PPM1H: variants seen among roughly 807,000 people sequenced by gnomAD.
PPM1H encodes protein phosphatase 1H.
A neutral mutation model predicts 54.9 loss-of-function variants in PPM1H; 27 were observed. The observed-to-expected ratio is 0.49, with a 90% CI of 0.36 to 0.68. The LOEUF is 0.68. PPM1H is among the 30% of genes least tolerant of loss of function. PPM1H has a pLI of 0.00. For missense variants in PPM1H, 596 were observed against 667.8 expected, an observed-to-expected ratio of 0.89 and a Z score of 1.19; for synonymous variants, 305 against 270.8, an observed-to-expected ratio of 1.13 and a Z score of -1.24.
chr12:62,688,800 A>T (rs1365395819), intron 8 of PPM1H, among the ~76,000 whole-genome samples: 1 of 152,156 alleles, frequency 6.6e-6, no homozygotes, highest in Non-Finnish European at 1.5e-5. Context: ...GTTCAACACC[A>T]GCCTAACCAA....
intron 4 of PPM1H, among the ~76,000 whole-genome samples, chr12:62,739,035 T>G (rs1592572424): frequency 2.7e-5 from 4 of 146,580 alleles, no homozygotes; most frequent in Admixed American, 6.8e-5. Flanking sequence ...AGGGAAGGAG[T>G]GATGACAAAA....
intron 9 of PPM1H, among the ~76,000 whole-genome samples, chr12:62,658,042 T>C (rs1218358645): frequency 8.5e-6 from 1 of 118,176 alleles, no homozygotes; most frequent in Admixed American, 9.2e-5. Context: ...CAGAGGGTCA[T>C]TAAATCCAGG....
chr12:62,661,150 A>T (rs926963684), intron 9 of PPM1H, among the ~76,000 whole-genome samples: 2 of 151,870 alleles, frequency 1.3e-5, no homozygotes, highest in African/African-American at 2.4e-5. Context: ...TTTTCTCCCC[A>T]ACTCCCCTGA....
Position 62,805,671 on chromosome 12 carries a change from G to A in PPM1H, c.412-3511C>T, listed in dbSNP as rs577451775. ...GTCAAACTCGTAGAAGCAGAGAGTC[G>A]AATGGTGGTTGCCAGGGGCTGGGGT... On this transcript the variant is annotated intron_variant, in intron 2 of 9. Coordinates refer to ENST00000228705, the MANE Select transcript of PPM1H (RefSeq NM_020700.2). 2.0e-5 allele frequency among the ~76,000 whole-genome samples: 3 copies of A among 152,284 alleles called. No individual in the cohort carries two copies. The East Asian group carries it at 5.8e-4, about 29-fold the overall frequency.
intron 1 of PPM1H, among the ~76,000 whole-genome samples, chr12:62,929,980 A>G (rs1872082352): frequency 6.6e-6 from 1 of 152,118 alleles, no homozygotes; most frequent in African/African-American, 2.4e-5. Context: ...GGTATCAGTC[A>G]GTAAGAGGGG....
intron 6 of PPM1H, among the ~76,000 whole-genome samples, chr12:62,694,788 G>A (rs1396200244): frequency 6.6e-6 from 1 of 152,208 alleles, no homozygotes; most frequent in Admixed American, 6.5e-5. Flanking sequence ...TCTGTACAAT[G>A]AGGCTAATAC....
intron 1 of PPM1H, among the ~76,000 whole-genome samples, chr12:62,910,308 A>G (rs1313729494): frequency 3.9e-5 from 6 of 152,200 alleles, no homozygotes; most frequent in Admixed American, 3.9e-4. Flanking sequence ...ATGTCTATTT[A>G]TATTAATCAG....
intron 4 of PPM1H, among the ~76,000 whole-genome samples, chr12:62,773,143 T>A (rs2076589275): frequency 6.7e-6 from 1 of 149,446 alleles, no homozygotes. Flanking sequence ...CGAGACTCCG[T>A]CTCAAAAAAA....
chr12:62,877,237 G>A (rs1192537882), intron 1 of PPM1H, among the ~76,000 whole-genome samples: 1 of 152,128 alleles, frequency 6.6e-6, no homozygotes, highest in Non-Finnish European at 1.5e-5. Context: ...CTGCTATTAT[G>A]GGCTGTTTTC....
rs145717694 is a variant in PPM1H at position 62,896,073 on chromosome 12, C to T, written c.245+38419G>A. Reference sequence around the variant, plus strand: ...TTCTATTATCAGCTACATTTGGTAACAAAATGTCTATTCCCTTTGTGTTTC... The same window carrying T: ...TTCTATTATCAGCTACATTTGGTAATAAAATGTCTATTCCCTTTGTGTTTC... On this transcript the variant is annotated intron_variant, in intron 1 of 9. Transcript: ENST00000228705. 7.3e-4 allele frequency among the ~76,000 whole-genome samples: 111 copies of T among 152,252 alleles called. No homozygotes were observed. In the East Asian group the frequency reaches 0.021, roughly 28 times the overall value.
intron 1 of PPM1H, among the ~76,000 whole-genome samples, chr12:62,909,352 G>A (rs984357625): frequency 1.3e-5 from 2 of 152,194 alleles, no homozygotes; most frequent in East Asian, 1.9e-4. Flanking sequence ...GTTCCTCTGC[G>A]CAAAATCTCC....
intron 8 of PPM1H, among the ~76,000 whole-genome samples, chr12:62,686,479 G>C (rs932357436): frequency 6.6e-6 from 1 of 152,246 alleles, no homozygotes; most frequent in East Asian, 1.9e-4. Flanking sequence ...AAAAGTCCAC[G>C]AGTCCAGTTA....
rs1368764192 is a variant in PPM1H, at chr12:62,648,256, C to A, written c.*233G>T. ...GCCTATGAAAGGAACTGAAATACAACAACACTTGGTAGCAGCCTTTGTGTT... is the reference window on the plus strand; with the variant it reads ...GCCTATGAAAGGAACTGAAATACAAAAACACTTGGTAGCAGCCTTTGTGTT... On this transcript the variant is annotated 3_prime_UTR_variant, in exon 10 of 10. Coordinates refer to ENST00000228705, the MANE Select transcript of PPM1H (RefSeq NM_020700.2). 4.0e-6 allele frequency: 2 copies of A among 494,428 alleles called. No individual in the cohort carries two copies. The highest frequency in any genetic ancestry group is 6.9e-5 in the East Asian group (2 of 28,950). The allele number at this position is 494,428 out of a possible 1,614,324, so 30.6% of individuals were successfully genotyped here.
chr12:62,690,008 T>C (rs2076074518), intron 7 of PPM1H, among the ~76,000 whole-genome samples: 1 of 152,254 alleles, frequency 6.6e-6, no homozygotes, highest in African/African-American at 2.4e-5. Context: ...ATTTGAGGAG[T>C]GCTTTTTCTA....
intron 4 of PPM1H, among the ~76,000 whole-genome samples, chr12:62,761,994 G>T (rs1310908009): frequency 6.6e-6 from 1 of 152,192 alleles, no homozygotes; most frequent in East Asian, 1.9e-4. Flanking sequence ...CAGGCAGAGG[G>T]TCTCCCAGCA....
At chr12:62,818,013 T>C (rs1338570616) in intron 2 of PPM1H, among the ~76,000 whole-genome samples, 4 of 152,300 alleles carry the variant, frequency 2.6e-5, no homozygotes, top group Non-Finnish European at 2.9e-5. Flanking sequence ...ACAAGGGTGC[T>C]CCTAAGGAAG....
At chr12:62,680,553 A>C (rs2076013930) in intron 8 of PPM1H, among the ~76,000 whole-genome samples, 1 of 152,074 alleles carries the variant, frequency 6.6e-6, no homozygotes, top group Non-Finnish European at 1.5e-5. Flanking sequence ...GGAAGTCAAA[A>C]CCACCTGGAG....
intron 6 of PPM1H, among the ~76,000 whole-genome samples, chr12:62,702,146 C>T (rs898825698): frequency 1.3e-5 from 2 of 152,130 alleles, no homozygotes; most frequent in African/African-American, 2.4e-5. Context: ...ATTGGTGATA[C>T]CTCTGACATA....
intron 1 of PPM1H, among the ~76,000 whole-genome samples, chr12:62,929,635 T>C (rs543876596): frequency 4.6e-5 from 7 of 152,256 alleles, no homozygotes; most frequent in African/African-American, 1.7e-4. Flanking sequence ...GGTTAAACCC[T>C]TTGCCTGAAG....
Sources: gnomAD v4.1 joint callset for allele counts (sites outside exome capture counted in the v4.1 genomes callset) on GRCh38, gnomAD v4.1.1 for gene constraint, MANE v1.5 for transcripts, NCBI Gene and HGNC (gene_info 2026-07-23, HGNC 2026-07-21) for gene names.